The following NDUFAF2 variants were observed in gnomAD, a reference collection of about 807,000 sequenced individuals.
NDUFAF2 encodes the protein NADH:ubiquinone oxidoreductase complex assembly factor 2, also known as NADH dehydrogenase [ubiquinone] 1 alpha subcomplex assembly factor 2.
A neutral mutation model predicts 22.8 loss-of-function variants in NDUFAF2; 13 were observed. The observed-to-expected ratio is 0.57, with a 90% CI of 0.37 to 0.91. The LOEUF is 0.91. Among genes scored for constraint, NDUFAF2 ranks in the 40% least tolerant of loss-of-function variants. NDUFAF2 has a pLI of 0.01. For synonymous variants in NDUFAF2, 53 were observed against 64.2 expected, an observed-to-expected ratio of 0.83 and a Z score of 0.84; for missense variants, 162 against 195.2, an observed-to-expected ratio of 0.83 and a Z score of 1.01.
chr5:61,050,612 T>C (rs900804791), intron 1 of NDUFAF2: 21 of 152,170 alleles, frequency 1.4e-4, no homozygotes, highest in African/African-American at 4.8e-4. Flanking sequence ...GTCCTCAGAC[T>C]AGAACTACTG....
At chr5:60,945,416 C>T in intron 1 of NDUFAF2, 34 bp downstream of exon 1, 1 of 1,614,064 alleles carries the variant, frequency 6.2e-7, no homozygotes, top group African/African-American at 1.3e-5. Flanking sequence ...ATTGCGTGGT[C>T]AGTGATTGCG....
intron 1 of NDUFAF2, among the ~76,000 whole-genome samples, chr5:60,972,054 T>C (rs1378043540): frequency 6.7e-6 from 1 of 150,172 alleles, no homozygotes; most frequent in East Asian, 2.0e-4. Flanking sequence ...GCAATTCTCC[T>C]GCCTCAGCCT....
At chr5:60,961,875 C>T (rs961424713) in intron 1 of NDUFAF2, among the ~76,000 whole-genome samples, 5 of 151,370 alleles carry the variant, frequency 3.3e-5, no homozygotes, top group African/African-American at 1.2e-4. Flanking sequence ...GTAGCAGGAT[C>T]GCTTGAGCTC....
chr5:60,996,195 C>T (rs1435035586), intron 1 of NDUFAF2, among the ~76,000 whole-genome samples: 4 of 151,968 alleles, frequency 2.6e-5, no homozygotes, highest in African/African-American at 4.8e-5. Context: ...CCAAGGTCCT[C>T]GATGTAGTAC....
intron 1 of NDUFAF2, among the ~76,000 whole-genome samples, chr5:60,946,923 T>A (rs916886587): frequency 2.6e-5 from 4 of 152,246 alleles, no homozygotes; most frequent in Non-Finnish European, 4.4e-5. Context: ...TTGCTTCACA[T>A]AGCATAATGT....
chr5:61,137,894 C>G (rs1024460606), intron 3 of NDUFAF2, among the ~76,000 whole-genome samples: 3 of 152,266 alleles, frequency 2.0e-5, no homozygotes, highest in Non-Finnish European at 4.4e-5. Flanking sequence ...GTAGGAAGCT[C>G]TGGAGCAAGT....
intron 3 of NDUFAF2, among the ~76,000 whole-genome samples, chr5:61,145,672 C>A (rs1741128087): frequency 6.6e-6 from 1 of 152,186 alleles, no homozygotes; most frequent in Non-Finnish European, 1.5e-5. Context: ...CAACTCAAGC[C>A]TAAACTAATT....
intron 2 of NDUFAF2, among the ~76,000 whole-genome samples, chr5:61,080,029 G>T (rs1357189916): frequency 6.6e-6 from 1 of 151,888 alleles, no homozygotes; most frequent in Non-Finnish European, 1.5e-5. Flanking sequence ...TGTCCTTGTT[G>T]CTCCATCTTG....
intron 1 of NDUFAF2, among the ~76,000 whole-genome samples, chr5:61,054,051 C>T (rs1391472883): frequency 6.6e-6 from 1 of 151,894 alleles, no homozygotes; most frequent in Non-Finnish European, 1.5e-5. Context: ...AAATTTAAAA[C>T]TTAGCTGGGC....
At chr5:61,136,037 A>ATATATATATATATC (rs1561136700) in intron 3 of NDUFAF2, among the ~76,000 whole-genome samples, 2 of 94,666 alleles carry the variant, frequency 2.1e-5, no homozygotes, top group African/African-American at 7.9e-5. Context: ...ATATATATAT[A>ATATATATATATATC]TATATCTAGG....
At chr5:61,013,427 A>C (rs1751466306) in intron 1 of NDUFAF2, among the ~76,000 whole-genome samples, 1 of 152,110 alleles carries the variant, frequency 6.6e-6, no homozygotes, top group South Asian at 2.1e-4. Flanking sequence ...AGGTATTTTA[A>C]GATTTTTTCT....
intron 1 of NDUFAF2, among the ~76,000 whole-genome samples, chr5:60,970,792 T>C (rs1561530405): frequency 6.6e-6 from 1 of 152,170 alleles, no homozygotes; most frequent in African/African-American, 2.4e-5. Flanking sequence ...AGGCTTTTAG[T>C]TTTTCTCCAT....
At chr5:60,984,410 C>T (rs1751038354) in intron 1 of NDUFAF2, among the ~76,000 whole-genome samples, 3 of 152,016 alleles carry the variant, frequency 2.0e-5, no homozygotes, top group Non-Finnish European at 2.9e-5. Flanking sequence ...GCCTGATTGC[C>T]CTGGCCAGAA....
intron 1 of NDUFAF2, among the ~76,000 whole-genome samples, chr5:60,977,851 AAG>A (rs1479887643): frequency 2.7e-5 from 4 of 149,990 alleles, no homozygotes; most frequent in East Asian, 2.0e-4. Flanking sequence ...AAAAAAAAAA[AAG>A]AAAAGAAGCC....
At chr5:61,150,698 A>G (rs962995989) in intron 3 of NDUFAF2, among the ~76,000 whole-genome samples, 2 of 152,102 alleles carry the variant, frequency 1.3e-5, no homozygotes, top group Admixed American at 1.3e-4. Context: ...GCTCCATACC[A>G]ATTTCTGAGT....
intron 2 of NDUFAF2, among the ~76,000 whole-genome samples, chr5:61,096,313 C>G (rs1018488810): frequency 1.4e-4 from 21 of 152,044 alleles, no homozygotes; most frequent in African/African-American, 4.8e-4. Context: ...AAAACCTTTG[C>G]AAGTTGGCCA....
At chr5:61,045,381 T>G (rs1442237776) in intron 1 of NDUFAF2, among the ~76,000 whole-genome samples, 4 of 150,846 alleles carry the variant, frequency 2.7e-5, no homozygotes, top group African/African-American at 9.7e-5. Context: ...ATTTCTTTTA[T>G]AGTCTTCAGT....
chr5:61,040,737 G>A (rs537761585), intron 1 of NDUFAF2, among the ~76,000 whole-genome samples: 14 of 152,036 alleles, frequency 9.2e-5, no homozygotes, highest in East Asian at 1.9e-4. Context: ...ATGAGAACAC[G>A]TTAGTTTTTA....
chr5:61,077,169 TTGTCAGCAAATAAATGG>T, intron 2 of NDUFAF2, among the ~76,000 whole-genome samples: 2 of 151,774 alleles, frequency 1.3e-5, no homozygotes, highest in Admixed American at 1.3e-4. Context: ...AATTTGGGAG[TTGTCAGCAAATAAATGG>T]TGTATAAAGC....
Sources: allele counts gnomAD v4.1 joint callset (sites outside exome capture counted in the v4.1 genomes callset), GRCh38; gene constraint gnomAD v4.1.1; transcripts MANE v1.5; gene names NCBI Gene and HGNC (gene_info 2026-07-23, HGNC 2026-07-21).